BTBD9: variants seen among roughly 807,000 people sequenced by gnomAD.
BTBD9 encodes the protein BTB/POZ domain-containing protein 9.
Under a neutral mutation model 64.3 loss-of-function variants are expected in BTBD9, and 49 were observed. The observed-to-expected ratio is 0.76, with a 90% confidence interval of 0.61 to 0.97. The LOEUF is 0.97. Among genes scored for constraint, BTBD9 ranks in the 50% least tolerant of loss-of-function variants. The pLI, the probability that BTBD9 is intolerant of heterozygous loss-of-function variation, is 0.00. For missense variants in BTBD9, 598 were observed against 762.1 expected, an observed-to-expected ratio of 0.78 and a Z score of 2.53; for synonymous variants, 260 against 274.7, an observed-to-expected ratio of 0.95 and a Z score of 0.53.
intron 6 of BTBD9, chr6:38,482,104 T>C (rs1771179249): frequency 6.6e-6 from 1 of 152,254 alleles, no homozygotes; most frequent in Admixed American, 6.5e-5. Flanking sequence ...CTACACATGC[T>C]CAACTGAACT....
intron 10 of BTBD9, among the ~76,000 whole-genome samples, chr6:38,185,485 C>A (rs146610273): frequency 6.6e-6 from 1 of 152,176 alleles, no homozygotes; most frequent in Non-Finnish European, 1.5e-5. Flanking sequence ...GCAGTGGCCT[C>A]GATGTTACAG....
intron 1 of BTBD9, among the ~76,000 whole-genome samples, chr6:38,625,589 G>A (rs74574079): frequency 5.3e-5 from 8 of 152,320 alleles, no homozygotes; most frequent in Non-Finnish European, 7.4e-5. Context: ...CTAAGAGGGA[G>A]TAATTCCCTG....
At chr6:38,554,724 C>G (rs1774943641) in intron 6 of BTBD9, among the ~76,000 whole-genome samples, 1 of 152,078 alleles carries the variant, frequency 6.6e-6, no homozygotes, top group South Asian at 2.1e-4. Context: ...TTGGGGTATT[C>G]CCCAGACTCT....
At chr6:38,546,120 G>A (rs1774545329) in intron 6 of BTBD9, among the ~76,000 whole-genome samples, 1 of 152,168 alleles carries the variant, frequency 6.6e-6, no homozygotes, top group Non-Finnish European at 1.5e-5. Context: ...AAAAAGGGAT[G>A]TAGGATGACA....
At chr6:38,193,856 C>T (rs188222405) in intron 9 of BTBD9, 572 of 985,440 alleles carry the variant, frequency 5.8e-4, no homozygotes, top group Non-Finnish European at 6.8e-4. Context: ...TTCCCTCTCA[C>T]TATGAACCTC....
intron 1 of BTBD9, among the ~76,000 whole-genome samples, chr6:38,624,933 T>C (rs1705904271): frequency 6.6e-6 from 1 of 152,222 alleles, no homozygotes; most frequent in African/African-American, 2.4e-5. Context: ...TTTTGTATCA[T>C]GTTGTAAGGC....
intron 1 of BTBD9, 111 bp from the exon 2 acceptor site, chr6:38,598,232 A>G (rs1582697187): frequency 3.9e-6 from 3 of 772,680 alleles, no homozygotes; most frequent in African/African-American, 1.8e-5. Context: ...AAAAATTCCT[A>G]TGAGAGAGTT....
At chr6:38,586,397 T>C (rs894892140) in intron 4 of BTBD9, among the ~76,000 whole-genome samples, 1 of 149,248 alleles carries the variant, frequency 6.7e-6, no homozygotes, top group Non-Finnish European at 1.5e-5. Flanking sequence ...TTTAAAACAC[T>C]GTTTGGATCT....
At chr6:38,291,741 T>C (rs1397070177) in intron 7 of BTBD9, among the ~76,000 whole-genome samples, 2 of 152,198 alleles carry the variant, frequency 1.3e-5, no homozygotes, top group East Asian at 1.9e-4. Flanking sequence ...TCTGCGTCTA[T>C]TGAGATAATC....
intron 6 of BTBD9, among the ~76,000 whole-genome samples, chr6:38,548,991 A>G (rs1170940601): frequency 6.6e-6 from 1 of 152,222 alleles, no homozygotes; most frequent in East Asian, 1.9e-4. Context: ...AAGATCTTTT[A>G]GAGGATTTTC....
chr6:38,425,613 G>A (rs1030507091), intron 6 of BTBD9, among the ~76,000 whole-genome samples: 13 of 151,618 alleles, frequency 8.6e-5, no homozygotes, highest in African/African-American at 3.2e-4. Context: ...TATTATTTAA[G>A]GATAAACCCA....
chr6:38,259,873 C>A (rs1010457746), intron 8 of BTBD9, among the ~76,000 whole-genome samples: 4 of 152,082 alleles, frequency 2.6e-5, no homozygotes, highest in Non-Finnish European at 5.9e-5. Flanking sequence ...CTCCAAGTAC[C>A]CTGAATGAAT....
chr6:38,209,692 T>C (rs765830746), intron 9 of BTBD9, among the ~76,000 whole-genome samples: 2 of 152,114 alleles, frequency 1.3e-5, no homozygotes, highest in Admixed American at 6.5e-5. Flanking sequence ...CTTGCCCAGG[T>C]TGGGGATTGA....
intron 7 of BTBD9, among the ~76,000 whole-genome samples, chr6:38,329,578 C>T (rs1347376609): frequency 2.0e-5 from 3 of 152,066 alleles, no homozygotes; most frequent in Non-Finnish European, 4.4e-5. Context: ...CCGATTTGGC[C>T]TCCCAAAGTG....
chr6:38,220,371 G>A, intron 9 of BTBD9, among the ~76,000 whole-genome samples: 1 of 152,174 alleles, frequency 6.6e-6, no homozygotes, highest in East Asian at 1.9e-4. Context: ...AGTGAAAAAA[G>A]CTCCATCCCA....
At chr6:38,326,464 G>A (rs1210513697) in intron 7 of BTBD9, among the ~76,000 whole-genome samples, 1 of 151,848 alleles carries the variant, frequency 6.6e-6, no homozygotes, top group African/African-American at 2.4e-5. Flanking sequence ...GGAGCGTGGA[G>A]AACAGCAAAA....
intron 1 of BTBD9, among the ~76,000 whole-genome samples, chr6:38,604,405 C>T (rs1777355574): frequency 6.6e-6 from 1 of 152,192 alleles, no homozygotes; most frequent in African/African-American, 2.4e-5. Context: ...CATTGATTCT[C>T]CACTTCTTTG....
intron 6 of BTBD9, among the ~76,000 whole-genome samples, chr6:38,440,178 T>C (rs1361526080): frequency 3.3e-5 from 5 of 152,116 alleles, no homozygotes; most frequent in Non-Finnish European, 7.3e-5. Flanking sequence ...GAGACTTGAT[T>C]GAGGTCACCA....
At chr6:38,627,383 T>C (rs958805056) in intron 1 of BTBD9, among the ~76,000 whole-genome samples, 3 of 152,146 alleles carry the variant, frequency 2.0e-5, no homozygotes, top group Admixed American at 6.5e-5. Context: ...CAAGATATAA[T>C]GAGAGAAAAG....
Sources: gnomAD v4.1 joint callset for allele counts (sites outside exome capture counted in the v4.1 genomes callset) on GRCh38, gnomAD v4.1.1 for gene constraint, MANE v1.5 for transcripts, NCBI Gene and HGNC (gene_info 2026-07-23, HGNC 2026-07-21) for gene names.